DISC1: variants seen among roughly 807,000 people sequenced by gnomAD.
DISC1 encodes disrupted in schizophrenia 1 protein.
DISC1 carries 57 observed loss-of-function variants against 84.5 expected under a neutral mutation model. The observed-to-expected ratio is 0.67, with a 90% CI of 0.55 to 0.84. The LOEUF (loss-of-function observed/expected upper bound fraction) is 0.84, where lower values mean the gene tolerates loss of function less well. Ranked by LOEUF, DISC1 falls within the 40% of genes least tolerant of loss-of-function variation. The probability of loss-of-function intolerance (pLI) is 0.00; values close to 1 mark genes in which losing one functional copy is unlikely to be tolerated. For synonymous variants in DISC1, 411 were observed against 415.2 expected, an observed-to-expected ratio of 0.99 and a Z score of 0.12; for missense variants, 1,000 against 1,057.8, an observed-to-expected ratio of 0.95 and a Z score of 0.76.
chr1:231,789,988 A>G (rs2078202594), intron 6 of DISC1, among the ~76,000 whole-genome samples: 2 of 152,214 alleles, frequency 1.3e-5, no homozygotes, highest in South Asian at 2.1e-4. Context: ...TTTAAAAATC[A>G]AAGACATTCT....
At chr1:231,699,159 C>G (rs975011095) in intron 2 of DISC1, among the ~76,000 whole-genome samples, 2 of 152,244 alleles carry the variant, frequency 1.3e-5, no homozygotes, top group South Asian at 2.1e-4. Flanking sequence ...CAAGAGCGAT[C>G]AAATGCTTCA....
At chr1:231,993,231 A>G (rs1572533027) in intron 10 of DISC1, among the ~76,000 whole-genome samples, 1 of 152,050 alleles carries the variant, frequency 6.6e-6, no homozygotes, top group Non-Finnish European at 1.5e-5. Context: ...TGAGAGGTCC[A>G]CTTTGCAGGT....
intron 11 of DISC1, among the ~76,000 whole-genome samples, chr1:232,023,698 C>T (rs1428539896): frequency 2.0e-5 from 3 of 151,972 alleles, no homozygotes; most frequent in African/African-American, 4.8e-5. Flanking sequence ...TTGTTGTAGC[C>T]GTAAGATGAA....
chr1:231,689,737 T>C (rs1254284723), intron 1 of DISC1, among the ~76,000 whole-genome samples: 2 of 152,226 alleles, frequency 1.3e-5, no homozygotes, highest in African/African-American at 4.8e-5. Flanking sequence ...TGATATACTG[T>C]AAACTAGGAT....
rs577697841 is a variant in DISC1 at position 231,698,394 on chromosome 1, G to T, written c.1048-3561G>T. ...GAGAAGATGGTAATAAAGGTAGTTG[G>T]TGACCAGGCATGCAGAGGAGGGGAA... On this transcript the variant is annotated intron_variant, in intron 2 of 12. Coordinates refer to ENST00000439617, the MANE Select transcript of DISC1 (RefSeq NM_018662.3). This position sits in a 1 kb window ranked among gnomAD's most constrained non-coding sequence, Gnocchi z 4.9. Among the ~76,000 whole-genome samples, 1 of 152,184 alleles carries T rather than the reference G, an allele frequency of 6.6e-6. No individual in the cohort carries two copies. Among genetic ancestry groups the T allele is most frequent in the Non-Finnish European group, 1.5e-5 (1 of 68,032 alleles).
chr1:231,733,347 G>A (rs2071874766), intron 3 of DISC1, among the ~76,000 whole-genome samples: 1 of 149,826 alleles, frequency 6.7e-6, no homozygotes, highest in African/African-American at 2.5e-5. Flanking sequence ...GGTGGTGATT[G>A]CAGTAGGAGT....
In DISC1 at chr1:231,713,912, A is replaced by G. The variant is rs536170878; in HGVS notation, c.1117+11888A>G. Among the ~76,000 whole-genome samples the G allele has an allele frequency of 6.6e-5, 10 of 150,610 alleles. 1 individual carries two copies. The highest frequency in any genetic ancestry group is 2.4e-4 in the African/African-American group (10 of 41,298). On this transcript the variant is annotated intron_variant, in intron 3 of 12. Transcript: ENST00000439617. Reference sequence around the variant, plus strand: ...GTTATTCAACATTGCACTGCAAGTTATAGTCAGAGCAAAATAGATAAAAGG... The same window carrying G: ...GTTATTCAACATTGCACTGCAAGTTGTAGTCAGAGCAAAATAGATAAAAGG...
At chr1:231,780,334 A>G (rs1210139272) in intron 6 of DISC1, among the ~76,000 whole-genome samples, 4 of 152,152 alleles carry the variant, frequency 2.6e-5, no homozygotes, top group Admixed American at 6.5e-5. Flanking sequence ...TTAACAGGCT[A>G]TATTTGAGAA....
chr1:231,677,261 A>G (rs1315951391), intron 1 of DISC1, among the ~76,000 whole-genome samples: 2 of 152,230 alleles, frequency 1.3e-5, no homozygotes, highest in African/African-American at 4.8e-5. Context: ...GATAAAACAG[A>G]AAAGCAAAAC....
rs1333743337 is a variant in DISC1 at position 231,954,079 on chromosome 1, G to C, written c.1982-4749G>C. On this transcript the variant is annotated intron_variant, in intron 9 of 12. Transcript: ENST00000439617. This position sits in a 1 kb window ranked among gnomAD's most constrained non-coding sequence, Gnocchi z 4.8. ...CATTCTTCTACCTTCCAACTTCCGTGTTTACACTGAAAAAGCTGTTGCTGG... is the reference window on the plus strand; with the variant it reads ...CATTCTTCTACCTTCCAACTTCCGTCTTTACACTGAAAAAGCTGTTGCTGG... Among the ~76,000 whole-genome samples, 5 of 152,122 alleles carry C rather than the reference G, an allele frequency of 3.3e-5. No homozygotes were observed. Among genetic ancestry groups the C allele is most frequent in the Non-Finnish European group, 7.4e-5 (5 of 68,022 alleles).
At chr1:231,795,331 C>T (rs376332605) in intron 7 of DISC1, 35 bp downstream of exon 7, 1 of 1,587,704 alleles carries the variant, frequency 6.3e-7, no homozygotes, top group African/African-American at 1.3e-5. Context: ...TCCAAAGAAG[C>T]CTATGAAGTT....
chr1:231,984,469 T>C (rs1464177305), intron 10 of DISC1, among the ~76,000 whole-genome samples: 2 of 152,140 alleles, frequency 1.3e-5, no homozygotes, highest in Non-Finnish European at 2.9e-5. Context: ...AAGATCTTGA[T>C]AAAATGTTCC....
chr1:231,948,129 C>T (rs1657590038), intron 9 of DISC1, among the ~76,000 whole-genome samples: 1 of 152,156 alleles, frequency 6.6e-6, no homozygotes, highest in African/African-American at 2.4e-5. Context: ...GTACTATAAT[C>T]ATTCTATGAT....
At chr1:231,746,715 T>A (rs564173826) in intron 3 of DISC1, among the ~76,000 whole-genome samples, 2 of 152,224 alleles carry the variant, frequency 1.3e-5, no homozygotes, top group Non-Finnish European at 2.9e-5. Flanking sequence ...TGATCAGTGA[T>A]GTTGAGCATT....
chr1:231,683,482 A>G (rs115863207), intron 1 of DISC1, among the ~76,000 whole-genome samples: 1,736 of 145,444 alleles, frequency 0.012, 39 homozygotes, highest in African/African-American at 0.042. Context: ...CTGGAGTGCA[A>G]TGGCGTGACT....
At chr1:231,815,153 A>G (rs773862903) in intron 8 of DISC1, 4 of 151,948 alleles carry the variant, frequency 2.6e-5, no homozygotes, top group Admixed American at 6.6e-5. Context: ...TTATTGTTCA[A>G]TGTTCATGCT....
chr1:231,643,025 CTG>C (rs2059852182), intron 1 of DISC1, among the ~76,000 whole-genome samples: 1 of 152,198 alleles, frequency 6.6e-6, no homozygotes. Context: ...CTTGCCGGCT[CTG>C]TAAATTTTCA....
intron 10 of DISC1, among the ~76,000 whole-genome samples, chr1:231,975,275 G>A (rs1403531747): frequency 6.6e-6 from 1 of 152,106 alleles, no homozygotes; most frequent in Non-Finnish European, 1.5e-5. Flanking sequence ...AGATATCATT[G>A]TACCCCAGTC....
At chr1:231,850,460 C>G (rs142281313) in intron 9 of DISC1, among the ~76,000 whole-genome samples, 63 of 152,338 alleles carry the variant, frequency 4.1e-4, no homozygotes, top group African/African-American at 1.5e-3. Flanking sequence ...CTCACATGTC[C>G]TTGGGGTGAT....
Sources: gnomAD v4.1 joint callset for allele counts (sites outside exome capture counted in the v4.1 genomes callset) on GRCh38, gnomAD v4.1.1 for gene constraint, Gnocchi (gnomAD v3.1) non-coding constraint, MANE v1.5 for transcripts, NCBI Gene and HGNC (gene_info 2026-07-23, HGNC 2026-07-21) for gene names.